The following AXIN1 variants were observed in gnomAD, a reference collection of about 807,000 sequenced individuals.
AXIN1 encodes axin 1.
In AXIN1, 30 loss-of-function variants were observed where a neutral mutation model predicts 76.4. That is an observed-to-expected ratio of 0.39 (90% CI 0.29 to 0.53). The LOEUF is 0.53. Among genes scored for constraint, AXIN1 ranks in the 20% least tolerant of loss-of-function variants. The probability of loss-of-function intolerance (pLI) is 0.66; values close to 1 mark genes in which losing one functional copy is unlikely to be tolerated. For missense variants in AXIN1, 1,140 were observed against 1,198.8 expected, an observed-to-expected ratio of 0.95 and a Z score of 0.72; for synonymous variants, 545 against 501.4, an observed-to-expected ratio of 1.09 and a Z score of -1.16.
chr16:302,250 C>A (rs993359088), intron 5 of AXIN1, among the ~76,000 whole-genome samples: 3 of 152,246 alleles, frequency 2.0e-5, no homozygotes, highest in Non-Finnish European at 4.4e-5. Flanking sequence ...TCCCTGAGTC[C>A]TTTCCTTGGG....
At chr16:334,735 T>C (rs1486781964) in intron 2 of AXIN1, among the ~76,000 whole-genome samples, 3 of 151,114 alleles carry the variant, frequency 2.0e-5, no homozygotes, top group Admixed American at 6.6e-5. Flanking sequence ...AGCATGCCAA[T>C]AACACAGCAC....
intron 2 of AXIN1, among the ~76,000 whole-genome samples, chr16:330,763 C>A (rs184066214): frequency 3.9e-4 from 60 of 152,328 alleles, no homozygotes; most frequent in African/African-American, 1.3e-3. Flanking sequence ...CCAGGAGACA[C>A]TAGCACCCTC....
chr16:348,541 T>TGTA (rs904593940), intron 1 of AXIN1, among the ~76,000 whole-genome samples: 6 of 152,256 alleles, frequency 3.9e-5, no homozygotes, highest in African/African-American at 4.8e-5. Flanking sequence ...GTCACGCACC[T>TGTA]GTAGTCCCAG....
intron 1 of AXIN1, among the ~76,000 whole-genome samples, chr16:347,831 CTGG>C (rs1273947688): frequency 1.3e-5 from 2 of 152,210 alleles, no homozygotes; most frequent in Non-Finnish European, 2.9e-5. Context: ...GACACCGTCA[CTGG>C]AGACAATCTT....
chr16:339,448 T>C (rs1250337435), intron 2 of AXIN1, among the ~76,000 whole-genome samples: 2 of 149,796 alleles, frequency 1.3e-5, no homozygotes, highest in Non-Finnish European at 3.0e-5. Flanking sequence ...GAGGTGGAGC[T>C]TGCAGTGAGC....
intron 4 of AXIN1, among the ~76,000 whole-genome samples, chr16:305,457 A>G (rs12919833): frequency 0.33 from 50,758 of 152,032 alleles, 9,791 homozygotes; most frequent in African/African-American, 0.52. Context: ...GCCTGGGTGA[A>G]AGAGTGAGAC....
At chr16:317,036 G>C (rs2053319017) in intron 2 of AXIN1, among the ~76,000 whole-genome samples, 1 of 152,206 alleles carries the variant, frequency 6.6e-6, no homozygotes, top group Admixed American at 6.5e-5. Context: ...TGTCGGAGGT[G>C]CAAGCACACC....
chr16:319,859 G>A (rs940945213), intron 2 of AXIN1, among the ~76,000 whole-genome samples: 1 of 152,186 alleles, frequency 6.6e-6, no homozygotes, highest in African/African-American at 2.4e-5. Flanking sequence ...GTTACATTTA[G>A]TGTGATGTGG....
chr16:312,800 G>GT (rs2053212752), intron 3 of AXIN1, among the ~76,000 whole-genome samples: 1 of 152,250 alleles, frequency 6.6e-6, no homozygotes, highest in Admixed American at 6.5e-5. Flanking sequence ...GGCAATGTGG[G>GT]CTGGCTGAAT....
At chr16:318,689 G>A (rs2053361900) in intron 2 of AXIN1, among the ~76,000 whole-genome samples, 1 of 152,230 alleles carries the variant, frequency 6.6e-6, no homozygotes, top group South Asian at 2.1e-4. Flanking sequence ...CTATGGATGC[G>A]TGCTTTGTGT....
At position 293,164 on chromosome 16, in the gene AXIN1, GCTGGGGACCGGCGTTCCCCACACA is replaced by G; in HGVS notation, c.2186+300_2186+323del. On this transcript the variant is annotated intron_variant, in intron 8 of 10. Coordinates refer to ENST00000262320, the MANE Select transcript of AXIN1 (RefSeq NM_003502.4). The surrounding 1 kb of genome is among the most constrained non-coding windows in gnomAD (Gnocchi z 4.6). Reference sequence around the variant, plus strand: ...GCTGCCCAGCAGCGAGCAGCCTCTGGCTGGGGACCGGCGTTCCCCACACACTGGGGCCCTGCAGCCTCCCTGCAG... The same window carrying G: ...GCTGCCCAGCAGCGAGCAGCCTCTGGCTGGGGCCCTGCAGCCTCCCTGCAG... The G allele has an allele frequency of 2.3e-6, 1 of 439,532 alleles. No individual in the cohort carries two copies. 27.2% of individuals were successfully genotyped at this position (439,532 alleles called of 1,614,324 possible).
chr16:346,133 T>A lies in AXIN1; in HGVS notation c.878+15A>T. The A allele has an allele frequency of 6.2e-7, 1 of 1,612,034 alleles. No homozygotes were observed. The highest frequency in any genetic ancestry group is 8.5e-7 in the Non-Finnish European group (1 of 1,179,070). On this transcript the variant is annotated intron_variant, in intron 2 of 10. Transcript: ENST00000262320. Reference sequence around the variant, plus strand: ...GAGGTGAGTACAGAAAGTGGACGCCTGGCGTCGGACTCACCTGAACTCTCT... The same window carrying A: ...GAGGTGAGTACAGAAAGTGGACGCCAGGCGTCGGACTCACCTGAACTCTCT...
At chr16:344,018 A>AAAAG (rs1187262831) in intron 2 of AXIN1, among the ~76,000 whole-genome samples, 1 of 151,366 alleles carries the variant, frequency 6.6e-6, no homozygotes, top group South Asian at 2.1e-4. Flanking sequence ...AAAAAAAAAA[A>AAAAG]AAAGAAAGAA....
rs769972546 is a variant in AXIN1 at position 298,011 on chromosome 16, C to T, written c.1495G>A (p.Val499Met). The T allele has an allele frequency of 9.4e-6, 15 of 1,597,976 alleles. No homozygotes were observed. Among genetic ancestry groups the T allele is most frequent in the African/African-American group, 6.7e-5 (5 of 74,812 alleles). ...CCCAGTGCCACTGGCATCTTGGCCA[C>T]GTGCCCACTGTCCGGGGAGCGATGG... is the stretch of plus-strand genomic sequence containing the variant. ...PGHRSPDSGH[V>M]AKMPVALGGA... The change falls in exon 6 of 11, where the codon GTG (valine) becomes ATG (methionine). Residue 499 changes from valine (V) to methionine (M), a missense_variant. Physicochemically the swap from Val to Met is conservative, Grantham distance 21. This residue lies in a region of AXIN1 where 708 missense variants were observed against 776.9 expected (regional missense o/e 0.91). Coordinates refer to ENST00000262320, the MANE Select transcript of AXIN1 (RefSeq NM_003502.4).
rs1297201869 is a variant in AXIN1, at chr16:287,698, G to A, written c.*424C>T. ...AGCTGTGTTGAAGGCACTCGGTGGCGCGTACAATTGACAGAGGCCCTGCAG... is the reference window on the plus strand; with the variant it reads ...AGCTGTGTTGAAGGCACTCGGTGGCACGTACAATTGACAGAGGCCCTGCAG... On this transcript the variant is annotated 3_prime_UTR_variant, in exon 11 of 11. Coordinates refer to ENST00000262320, the MANE Select transcript of AXIN1 (RefSeq NM_003502.4). The A allele has an allele frequency of 3.2e-5, 11 of 346,198 alleles. No individual in the cohort carries two copies. The highest frequency in any genetic ancestry group is 6.1e-5 in the African/African-American group (3 of 48,928). The allele number at this position is 346,198 out of a possible 1,614,324, so 21.4% of individuals were successfully genotyped here.
intron 1 of AXIN1, among the ~76,000 whole-genome samples, chr16:351,209 T>C (rs9935993): frequency 0.25 from 37,309 of 150,834 alleles, 4,756 homozygotes; most frequent in South Asian, 0.32. Flanking sequence ...TTCTCCAAAA[T>C]AGGGCCTGTG....
intron 2 of AXIN1, among the ~76,000 whole-genome samples, chr16:345,873 T>G (rs758571683): frequency 6.6e-6 from 1 of 152,246 alleles, no homozygotes; most frequent in African/African-American, 2.4e-5. Flanking sequence ...AAAGTTTACA[T>G]GTCATTGTGA....
Position 314,620 on chromosome 16 carries a change from T to C in AXIN1, c.942A>G (p.Pro314=). The C allele has an allele frequency of 6.2e-7, 1 of 1,614,040 alleles. No individual in the cohort carries two copies. Among genetic ancestry groups the C allele is most frequent in the Non-Finnish European group, 8.5e-7 (1 of 1,180,006 alleles). ...YYVNAGYALA[P]ATSANDSEQQ... is the part of the protein sequence containing the mutation. ...GCTCGCTGTCGTTGGCACTGGTGGC[T>C]GGGGCCAGGGCATAGCCGGCATTGA... The change falls in exon 3 of 11, where the codon CCA becomes CCG. Residue 314 remains proline (P), a synonymous_variant. Transcript: ENST00000262320.
chr16:318,545 G>C (rs1367902899), intron 2 of AXIN1, among the ~76,000 whole-genome samples: 2 of 152,148 alleles, frequency 1.3e-5, no homozygotes, highest in Non-Finnish European at 2.9e-5. Flanking sequence ...TTCACTACCA[G>C]CAGATGCGAC....
Sources: gnomAD v4.1 joint callset for allele counts (sites outside exome capture counted in the v4.1 genomes callset) on GRCh38, gnomAD v4.1.1 for gene constraint, gnomAD v4.1.1 regional missense constraint, Gnocchi (gnomAD v3.1) non-coding constraint, MANE v1.5 for transcripts, NCBI Gene and HGNC (gene_info 2026-07-23, HGNC 2026-07-21) for gene names.